Variants in CRYL1 observed in about 807,000 individuals in gnomAD.
CRYL1 encodes lambda-crystallin homolog.
CRYL1 carries 29 observed loss-of-function variants against 36.6 expected under a neutral mutation model. The ratio of observed to expected loss-of-function variants is 0.79; its 90% CI spans 0.59 to 1.08. The LOEUF is 1.08. CRYL1 is among the 50% of genes least tolerant of loss of function. The pLI is 0.00. For missense variants in CRYL1, 411 were observed against 407.9 expected, an observed-to-expected ratio of 1.01 and a Z score of -0.06; for synonymous variants, 152 against 151.5, an observed-to-expected ratio of 1.00 and a Z score of -0.02.
intron 5 of CRYL1, among the ~76,000 whole-genome samples, chr13:20,421,920 T>C (rs921721444): frequency 6.6e-6 from 1 of 152,160 alleles, no homozygotes; most frequent in Admixed American, 6.5e-5. Flanking sequence ...CAGGTATCTC[T>C]AAATTCATAA....
At chr13:20,471,474 G>A (rs957373449) in intron 3 of CRYL1, among the ~76,000 whole-genome samples, 27 of 151,732 alleles carry the variant, frequency 1.8e-4, no homozygotes, top group Admixed American at 1.5e-3. Context: ...GTGTGGTGGC[G>A]GTCGCCTGTA....
intron 3 of CRYL1, among the ~76,000 whole-genome samples, chr13:20,446,580 C>T (rs11617323): frequency 0.25 from 37,891 of 152,144 alleles, 5,338 homozygotes; most frequent in Non-Finnish European, 0.32. Flanking sequence ...GAGAACTAGC[C>T]AGACCAGAGA....
chr13:20,508,891 GACA>G (rs1404207291), intron 2 of CRYL1, among the ~76,000 whole-genome samples: 1 of 107,440 alleles, frequency 9.3e-6, no homozygotes, highest in East Asian at 3.0e-4. Context: ...AAAAAAAACT[GACA>G]ACAACAACAT....
At chr13:20,426,132 C>G (rs1246029825) in intron 5 of CRYL1, among the ~76,000 whole-genome samples, 1 of 152,198 alleles carries the variant, frequency 6.6e-6, no homozygotes, top group Non-Finnish European at 1.5e-5. Context: ...CCTGGGGCGT[C>G]ACTCTCCAGC....
chr13:20,427,384 G>A, intron 5 of CRYL1: 1 of 886,822 alleles, frequency 1.1e-6, no homozygotes. Context: ...TGGCTATCCG[G>A]GTGTCCATTC....
intron 3 of CRYL1, among the ~76,000 whole-genome samples, chr13:20,470,665 T>C (rs925747176): frequency 4.9e-4 from 74 of 152,054 alleles, no homozygotes; most frequent in Admixed American, 3.8e-3. Context: ...TCCCAGCACT[T>C]TGGGAGGCCG....
intron 1 of CRYL1, among the ~76,000 whole-genome samples, chr13:20,515,094 G>C (rs1409567343): frequency 6.6e-6 from 1 of 152,160 alleles, no homozygotes; most frequent in African/African-American, 2.4e-5. Context: ...AGTCACAAAG[G>C]TTCACGTATT....
chr13:20,411,558 T>C (rs985109402), intron 6 of CRYL1, among the ~76,000 whole-genome samples: 7 of 152,260 alleles, frequency 4.6e-5, no homozygotes, highest in African/African-American at 1.7e-4. Context: ...TAAATTTCTA[T>C]ACATTTCAAA....
At chr13:20,505,656 T>C (rs917103741) in intron 2 of CRYL1, among the ~76,000 whole-genome samples, 1 of 152,190 alleles carries the variant, frequency 6.6e-6, no homozygotes, top group Non-Finnish European at 1.5e-5. Context: ...ATGTATGGTC[T>C]GTCCTGAGGG....
chr13:20,443,658 G>T (rs1475789406), intron 3 of CRYL1, among the ~76,000 whole-genome samples: 1 of 152,150 alleles, frequency 6.6e-6, no homozygotes, highest in Non-Finnish European at 1.5e-5. Flanking sequence ...CTCCCAAAGT[G>T]CTGGGATTAC....
chr13:20,478,613 T>C (rs1260086774), intron 3 of CRYL1, among the ~76,000 whole-genome samples: 2 of 151,058 alleles, frequency 1.3e-5, no homozygotes, highest in African/African-American at 2.4e-5. Context: ...GCAGCTGGGA[T>C]CACAGGCATG....
intron 1 of CRYL1, among the ~76,000 whole-genome samples, chr13:20,524,245 C>T (rs1593509423): frequency 6.6e-6 from 1 of 152,096 alleles, no homozygotes; most frequent in South Asian, 2.1e-4. Flanking sequence ...TGTGTGTGCG[C>T]GTGCGCGCAC....
At chr13:20,436,646 G>A (rs116558074) in intron 4 of CRYL1, among the ~76,000 whole-genome samples, 2,308 of 152,254 alleles carry the variant, frequency 0.015, 68 homozygotes, top group African/African-American at 0.053. Flanking sequence ...GAACTCCTGC[G>A]CTGGGAGTAC....
intron 2 of CRYL1, among the ~76,000 whole-genome samples, chr13:20,510,698 C>T (rs182533625): frequency 6.6e-6 from 1 of 151,514 alleles, no homozygotes; most frequent in Admixed American, 6.6e-5. Context: ...CTGCAATCTC[C>T]GCCACCCAGG....
chr13:20,471,331 G>A (rs1194012983), intron 3 of CRYL1, among the ~76,000 whole-genome samples: 1 of 152,146 alleles, frequency 6.6e-6, no homozygotes, highest in Non-Finnish European at 1.5e-5. Context: ...CCAGCACTTT[G>A]GGAGGCCGAG....
rs145927765 is a variant in CRYL1, at chr13:20,473,532, C to T, written c.276+15838G>A. On this transcript the variant is annotated intron_variant, in intron 3 of 7. Coordinates refer to ENST00000298248, the MANE Select transcript of CRYL1 (RefSeq NM_015974.3). ...GACCTGGCCAGAGTGGGTGGGCGGG[C>T]GCCAAGGATGGCGCTCCAAAGTAGA... 9.0e-3 allele frequency among the ~76,000 whole-genome samples: 1,369 copies of T among 152,308 alleles called. 16 individuals are homozygous for T. The highest frequency in any genetic ancestry group is 0.014 in the Non-Finnish European group (957 of 68,020).
chr13:20,474,913 C>T (rs945684987), intron 3 of CRYL1, among the ~76,000 whole-genome samples: 1 of 152,152 alleles, frequency 6.6e-6, no homozygotes, highest in Admixed American at 6.5e-5. Context: ...CTCCCAAAGT[C>T]TCAGGGACAA....
At chr13:20,441,671 A>G (rs1177553039) in intron 3 of CRYL1, among the ~76,000 whole-genome samples, 3 of 152,250 alleles carry the variant, frequency 2.0e-5, no homozygotes, top group Non-Finnish European at 4.4e-5. Context: ...GCTAGAAATT[A>G]TATCAGAACC....
chr13:20,404,155 A>T lies in CRYL1; in HGVS notation c.934T>A (p.Leu312Met). ...CACTGGGGCTGCACTTGACTCTTCA[A>T]CTTGGCGAGTCTCATGAGGCACTCG... The part of the protein sequence containing the change: ...RDECLMRLAK[L>M]KSQVQPQ The change falls in exon 8 of 8, where the codon TTG becomes ATG. Residue 312 changes from leucine (L) to methionine (M), a missense_variant. Coordinates refer to ENST00000298248, the MANE Select transcript of CRYL1 (RefSeq NM_015974.3). The T allele has an allele frequency of 6.2e-7, 1 of 1,613,950 alleles. No individual in the cohort carries two copies. The highest frequency in any genetic ancestry group is 8.5e-7 in the Non-Finnish European group (1 of 1,179,858).
Sources: allele counts gnomAD v4.1 joint callset (sites outside exome capture counted in the v4.1 genomes callset), GRCh38; gene constraint gnomAD v4.1.1; transcripts MANE v1.5; gene names NCBI Gene and HGNC (gene_info 2026-07-23, HGNC 2026-07-21).